Variants in CREB5 observed in about 807,000 individuals in gnomAD.
The protein encoded by CREB5 is cAMP responsive element binding protein 5, also known as cyclic AMP-responsive element-binding protein 5.
A neutral mutation model predicts 57.1 loss-of-function variants in CREB5; 19 were observed. The ratio of observed to expected loss-of-function variants is 0.33; its 90% CI spans 0.23 to 0.49. The LOEUF (loss-of-function observed/expected upper bound fraction) is 0.49. CREB5 is among the 20% of genes least tolerant of loss of function. The pLI is 0.99. For synonymous variants in CREB5, 238 were observed against 238.3 expected (o/e 1.00, Z 0.01); for missense variants, 579 against 671.6 (o/e 0.86, Z 1.52).
intron 1 of CREB5, among the ~76,000 whole-genome samples, chr7:28,304,942 C>T (rs184840240): frequency 1.1e-3 from 174 of 152,270 alleles, no homozygotes; most frequent in African/African-American, 3.9e-3. Context: ...GATATGTACT[C>T]TGGGAAGTAT....
Position 28,472,165 on chromosome 7 carries a change from A to AAAC in CREB5, c.4-16009_4-16008insACA, listed in dbSNP as rs1554328949. On this transcript the variant is annotated intron_variant, in intron 1 of 10. Coordinates refer to ENST00000357727, the MANE Select transcript of CREB5 (RefSeq NM_182898.4). ...TTATAGTCAAAGCAAAAAAAAAAAA[A>AAAC]ACATAGTAATGAGATTGTCTTAGGT... 2.1e-3 allele frequency among the ~76,000 whole-genome samples: 316 copies of AAAC among 148,042 alleles called. 3 individuals carry two copies. The highest frequency in any genetic ancestry group is 0.01 in the East Asian group (53 of 5,056).
intron 4 of CREB5, among the ~76,000 whole-genome samples, chr7:28,560,919 T>TGCGTGCGTGTGCGTGCGCGC (rs1562797827): frequency 2.3e-5 from 1 of 42,990 alleles, no homozygotes; most frequent in Non-Finnish European, 4.5e-5. Flanking sequence ...CGTGTGCGTG[T>TGCGTGCGTGTGCGTGCGCGC]GTGCGCGTGC....
intron 1 of CREB5, among the ~76,000 whole-genome samples, chr7:28,299,609 C>A (rs1785065356): frequency 6.6e-6 from 1 of 152,184 alleles, no homozygotes; most frequent in African/African-American, 2.4e-5. Context: ...TTGCAGAAAG[C>A]TCTAGGCAAG....
At chr7:28,533,161 G>A (rs1039499041) in intron 4 of CREB5, among the ~76,000 whole-genome samples, 2 of 151,974 alleles carry the variant, frequency 1.3e-5, no homozygotes, top group African/African-American at 4.8e-5. Flanking sequence ...AGCCGATATC[G>A]TACCATTGCA....
At chr7:28,374,246 G>A (rs933435121) in intron 1 of CREB5, among the ~76,000 whole-genome samples, 1 of 152,132 alleles carries the variant, frequency 6.6e-6, no homozygotes, top group Non-Finnish European at 1.5e-5. Context: ...GCACAGAAAT[G>A]GGAACCCTCC....
intron 2 of CREB5, among the ~76,000 whole-genome samples, chr7:28,488,455 T>C (rs1475707637): frequency 6.6e-6 from 1 of 152,222 alleles, no homozygotes; most frequent in Admixed American, 6.5e-5. Flanking sequence ...TTCCCTCTTA[T>C]GCCCTGAAAG....
rs769065237 is a variant in CREB5 at position 28,823,982 on chromosome 7, A to T, written c.*4703A>T. The T allele has an allele frequency of 2.0e-5, 3 of 152,322 alleles. No individual in the cohort carries two copies. The highest frequency in any genetic ancestry group is 2.9e-5 in the Non-Finnish European group (2 of 67,956). 9.4% of individuals were successfully genotyped at this position (152,322 alleles called of 1,614,324 possible). ...CACTTTAGCTTTTTGATCCCTTTGT[A>T]TTTCTCTTATTCTCTTTCTAACCTC... On this transcript the variant is annotated 3_prime_UTR_variant, in exon 11 of 11. Transcript: ENST00000357727.
At chr7:28,636,286 G>GGGA (rs1185398980) in intron 5 of CREB5, among the ~76,000 whole-genome samples, 4 of 152,134 alleles carry the variant, frequency 2.6e-5, no homozygotes, top group African/African-American at 9.7e-5. Context: ...GGGGGTGGGA[G>GGGA]GGAGGAGGGA....
intron 9 of CREB5, among the ~76,000 whole-genome samples, chr7:28,810,682 T>G (rs1338011277): frequency 1.6e-5 from 2 of 127,306 alleles, no homozygotes; most frequent in Non-Finnish European, 1.6e-5. Flanking sequence ...GGCAACAGGG[T>G]GAGACTGTCT....
intron 5 of CREB5, among the ~76,000 whole-genome samples, chr7:28,572,038 T>A (rs1795725566): frequency 6.6e-6 from 1 of 152,220 alleles, no homozygotes; most frequent in Admixed American, 6.5e-5. Flanking sequence ...TCCCTCTTGT[T>A]TTTCGGTGTT....
intron 4 of CREB5, among the ~76,000 whole-genome samples, chr7:28,565,730 G>T (rs370573898): frequency 3.9e-5 from 6 of 152,214 alleles, no homozygotes; most frequent in South Asian, 4.2e-4. Context: ...AGACCAGCTT[G>T]GCCAACATAG....
At chr7:28,543,598 A>T (rs1351153866) in intron 4 of CREB5, among the ~76,000 whole-genome samples, 1 of 151,692 alleles carries the variant, frequency 6.6e-6, no homozygotes, top group Non-Finnish European at 1.5e-5. Context: ...AAAAAAAAAA[A>T]AAAGTGTGAG....
chr7:28,573,568 C>G (rs541278649), intron 5 of CREB5, among the ~76,000 whole-genome samples: 1 of 152,274 alleles, frequency 6.6e-6, no homozygotes, highest in East Asian at 1.9e-4. Context: ...GGCTCCTGCT[C>G]CCCCCTCTTC....
chr7:28,578,817 A>G (rs977426906), intron 5 of CREB5, among the ~76,000 whole-genome samples: 3 of 152,232 alleles, frequency 2.0e-5, no homozygotes, highest in Non-Finnish European at 4.4e-5. Flanking sequence ...TCACCAAATA[A>G]ATTTTCTCTA....
intron 1 of CREB5, among the ~76,000 whole-genome samples, chr7:28,482,535 G>T (rs1305660915): frequency 6.6e-6 from 1 of 152,214 alleles, no homozygotes; most frequent in Non-Finnish European, 1.5e-5. Context: ...TTTTCCAGCT[G>T]TTTTTGGTAT....
chr7:28,774,614 C>A (rs531034040), intron 7 of CREB5, among the ~76,000 whole-genome samples: 2 of 152,164 alleles, frequency 1.3e-5, no homozygotes, highest in Admixed American at 1.3e-4. Flanking sequence ...TTATTTCACA[C>A]GTATTTTCTA....
chr7:28,611,628 A>G (rs1705344771), intron 5 of CREB5, among the ~76,000 whole-genome samples: 1 of 150,756 alleles, frequency 6.6e-6, no homozygotes, highest in African/African-American at 2.4e-5. Context: ...GTAAGCTGAG[A>G]TTGCGCCACT....
chr7:28,714,378 G>A (rs992117037), intron 5 of CREB5, among the ~76,000 whole-genome samples: 6 of 151,982 alleles, frequency 3.9e-5, no homozygotes, highest in African/African-American at 1.5e-4. Context: ...GGTCACATAC[G>A]TGGCAGATCT....
intron 1 of CREB5, among the ~76,000 whole-genome samples, chr7:28,389,613 T>C (rs558496207): frequency 6.7e-6 from 1 of 149,354 alleles, no homozygotes; most frequent in South Asian, 2.2e-4. Flanking sequence ...GCGCTATTGA[T>C]ATTGCCAACT....
Sources: gnomAD v4.1 joint callset for allele counts (sites outside exome capture counted in the v4.1 genomes callset) on GRCh38, gnomAD v4.1.1 for gene constraint, MANE v1.5 for transcripts, NCBI Gene and HGNC (gene_info 2026-07-23, HGNC 2026-07-21) for gene names.